The following BMPR1B variants were observed in gnomAD, a reference collection of about 807,000 sequenced individuals.
BMPR1B encodes the protein bone morphogenetic protein receptor type-1B.
BMPR1B carries 12 observed loss-of-function variants against 59.1 expected under a neutral mutation model. The observed-to-expected ratio is 0.20, with a 90% CI of 0.13 to 0.33. The LOEUF is 0.33. Ranked by LOEUF, BMPR1B falls within the 10% of genes least tolerant of loss-of-function variation. The pLI is 1.00. For missense variants in BMPR1B, 550 were observed against 610.9 expected (o/e 0.90, Z 1.05); for synonymous variants, 237 against 207.3 (o/e 1.14, Z -1.23).
rs1191211405 is a variant in BMPR1B, at chr4:95,143,609, C to T, written c.1077-5139C>T. On this transcript the variant is annotated intron_variant, in intron 10 of 12. Coordinates refer to ENST00000515059, the MANE Select transcript of BMPR1B (RefSeq NM_001203.3). ...TTTGATTATCAATGTAGACCTCATACTCCACCATGCTGGCATTTTCTATAT... is the reference window on the plus strand; with the variant it reads ...TTTGATTATCAATGTAGACCTCATATTCCACCATGCTGGCATTTTCTATAT... Among the ~76,000 whole-genome samples the T allele has an allele frequency of 3.3e-5, 5 of 152,200 alleles. No individual in the cohort carries two copies. In the South Asian group the frequency reaches 6.2e-4, roughly 19 times the overall value.
intron 12 of BMPR1B, among the ~76,000 whole-genome samples, chr4:95,154,091 A>G (rs1735243364): frequency 6.6e-6 from 1 of 152,210 alleles, no homozygotes; most frequent in Non-Finnish European, 1.5e-5. Context: ...AGAAAGTTTT[A>G]GTGATGCTGT....
chr4:95,153,486 T>C (rs1329895461), intron 12 of BMPR1B, among the ~76,000 whole-genome samples: 1 of 152,102 alleles, frequency 6.6e-6, no homozygotes. Flanking sequence ...AAACAGGCTC[T>C]TATCAAACGT....
intron 1 of BMPR1B, among the ~76,000 whole-genome samples, chr4:94,841,037 G>T (rs1463603286): frequency 2.0e-5 from 3 of 147,678 alleles, no homozygotes; most frequent in Non-Finnish European, 4.5e-5. Context: ...AGGTGTCAGT[G>T]TGCCCCTGCT....
intron 2 of BMPR1B, among the ~76,000 whole-genome samples, chr4:94,919,082 C>T (rs1728593415): frequency 6.6e-6 from 1 of 152,084 alleles, no homozygotes; most frequent in African/African-American, 2.4e-5. Flanking sequence ...TAACGTGATG[C>T]ATCATGTTAT....
At chr4:94,811,730 C>G (rs1723821359) in intron 1 of BMPR1B, among the ~76,000 whole-genome samples, 1 of 152,048 alleles carries the variant, frequency 6.6e-6, no homozygotes, top group African/African-American at 2.4e-5. Context: ...AGGGAGGGAA[C>G]CTTTGAATCC....
chr4:94,890,054 A>G (rs1727329950), intron 2 of BMPR1B, among the ~76,000 whole-genome samples: 1 of 152,000 alleles, frequency 6.6e-6, no homozygotes, highest in Non-Finnish European at 1.5e-5. Context: ...CTGTGGGGTA[A>G]GTTCTGTGGC....
chr4:95,021,867 G>A lies in BMPR1B; in HGVS notation c.-18+25733G>A, dbSNP rs151282558. On this transcript the variant is annotated intron_variant, in intron 3 of 12. Transcript: ENST00000515059. ...TGAACTGGTCTATTCTCATGTATTG[G>A]CAAAGCACGTTCTATCTAAAGAGCT... Among the ~76,000 whole-genome samples the A allele has an allele frequency of 3.5e-3, 526 of 152,258 alleles. 3 individuals carry two copies. Among genetic ancestry groups the A allele is most frequent in the African/African-American group, 0.012 (500 of 41,548 alleles).
At chr4:95,082,958 A>T (rs1729282703) in intron 3 of BMPR1B, among the ~76,000 whole-genome samples, 1 of 144,106 alleles carries the variant, frequency 6.9e-6, no homozygotes, top group Admixed American at 7.5e-5. Context: ...GAATGGCGTG[A>T]ACCCGGGAGG....
At chr4:94,870,266 T>C (rs374391314) in intron 1 of BMPR1B, among the ~76,000 whole-genome samples, 59 of 152,236 alleles carry the variant, frequency 3.9e-4, no homozygotes, top group African/African-American at 1.4e-3. Context: ...AGAATAGGTT[T>C]TTGGCTCTCA....
rs541052273 is a variant in BMPR1B, at chr4:95,125,877, T to C, written c.585+756T>C. Among the ~76,000 whole-genome samples the C allele has an allele frequency of 6.6e-5, 10 of 152,294 alleles. No homozygotes were observed. The South Asian group carries it at 1.7e-3, about 25-fold the overall frequency. ...AGGTCTTCTTTCCCAGCTTGGTATGTGTGGCACATAAACTCAACCTGCCTT... is the reference window on the plus strand; with the variant it reads ...AGGTCTTCTTTCCCAGCTTGGTATGCGTGGCACATAAACTCAACCTGCCTT... On this transcript the variant is annotated intron_variant, in intron 8 of 12. Coordinates refer to ENST00000515059, the MANE Select transcript of BMPR1B (RefSeq NM_001203.3).
chr4:95,015,745 T>C (rs2149129815), intron 3 of BMPR1B, among the ~76,000 whole-genome samples: 1 of 150,730 alleles, frequency 6.6e-6, no homozygotes, highest in African/African-American at 2.4e-5. Flanking sequence ...CAGACTGGAG[T>C]GCAGTGGCAC....
chr4:94,796,290 A>G (rs1192091491), intron 1 of BMPR1B, among the ~76,000 whole-genome samples: 1 of 152,206 alleles, frequency 6.6e-6, no homozygotes, highest in Admixed American at 6.5e-5. Flanking sequence ...TTTAAAAAAT[A>G]CTATCTGATT....
chr4:95,073,011 G>C (rs1728433717), intron 3 of BMPR1B, among the ~76,000 whole-genome samples: 1 of 152,118 alleles, frequency 6.6e-6, no homozygotes, highest in South Asian at 2.1e-4. Context: ...TGACAAGGAA[G>C]CTACTTCACA....
At chr4:95,049,419 G>GTTT (rs761496965) in intron 3 of BMPR1B, among the ~76,000 whole-genome samples, 5 of 77,404 alleles carry the variant, frequency 6.5e-5, no homozygotes, top group African/African-American at 1.6e-4. Context: ...CAGCATAAAA[G>GTTT]TTTTTTTTTT....
chr4:94,955,315 G>A (rs1158987743), intron 2 of BMPR1B, among the ~76,000 whole-genome samples: 1 of 152,132 alleles, frequency 6.6e-6, no homozygotes, highest in Non-Finnish European at 1.5e-5. Context: ...TTATATCCAT[G>A]TGATTACTTA....
chr4:94,832,545 G>A (rs11945660), intron 1 of BMPR1B, among the ~76,000 whole-genome samples: 31,684 of 152,084 alleles, frequency 0.21, 3,484 homozygotes, highest in African/African-American at 0.24. Context: ...ACTTTGGGAG[G>A]CTGAGGTGGG....
chr4:94,780,838 A>G (rs919118296), intron 1 of BMPR1B, among the ~76,000 whole-genome samples: 1 of 151,608 alleles, frequency 6.6e-6, no homozygotes, highest in African/African-American at 2.4e-5. Flanking sequence ...ATAGGTGCCC[A>G]CCACCATGTC....
intron 2 of BMPR1B, among the ~76,000 whole-genome samples, chr4:94,966,955 G>A (rs886913741): frequency 1.3e-5 from 2 of 151,958 alleles, no homozygotes; most frequent in African/African-American, 4.8e-5. Context: ...AGAGAGAGAC[G>A]GTCCTTGGGG....
chr4:94,818,217 T>G (rs1560499246), intron 1 of BMPR1B, among the ~76,000 whole-genome samples: 1 of 152,158 alleles, frequency 6.6e-6, no homozygotes, highest in Non-Finnish European at 1.5e-5. Flanking sequence ...ACTTTTATTA[T>G]TTTAGTTTAG....
Sources: allele counts gnomAD v4.1 joint callset (sites outside exome capture counted in the v4.1 genomes callset), GRCh38; gene constraint gnomAD v4.1.1; transcripts MANE v1.5; gene names NCBI Gene and HGNC (gene_info 2026-07-23, HGNC 2026-07-21).